The following CCDC192 variants were observed in gnomAD, a reference collection of about 807,000 sequenced individuals.
The protein encoded by CCDC192 is coiled-coil domain-containing protein 192.
intron 2 of CCDC192, among the ~76,000 whole-genome samples, chr5:127,719,532 T>A (rs1228886): frequency 1.7e-5 from 1 of 59,386 alleles, no homozygotes; most frequent in Admixed American, 2.5e-4. Context: ...TATACACACA[T>A]ACATATATAT....
At chr5:127,784,803 C>A in intron 3 of CCDC192, 2 of 480,354 alleles carry the variant, frequency 4.2e-6, no homozygotes, top group Non-Finnish European at 4.1e-6. Flanking sequence ...CTCATGATGG[C>A]CATCTGAATC....
intron 6 of CCDC192, among the ~76,000 whole-genome samples, chr5:127,886,077 G>A (rs1354375389): frequency 6.6e-6 from 1 of 152,172 alleles, no homozygotes; most frequent in Non-Finnish European, 1.5e-5. Context: ...TGGCAAGACT[G>A]AAAATGTTAC....
At chr5:127,791,844 A>C (rs1389032946) in intron 3 of CCDC192, among the ~76,000 whole-genome samples, 1 of 152,228 alleles carries the variant, frequency 6.6e-6, no homozygotes, top group African/African-American at 2.4e-5. Context: ...AAGAAAAAGA[A>C]GACACTGACA....
At chr5:127,769,593 A>G (rs1326035387) in intron 3 of CCDC192, among the ~76,000 whole-genome samples, 1 of 152,178 alleles carries the variant, frequency 6.6e-6, no homozygotes, top group African/African-American at 2.4e-5. Context: ...CAATATGTAG[A>G]TTTGAAGAAG....
Position 127,789,101 on chromosome 5 carries a change from T to C in CCDC192, c.223-8002T>C, listed in dbSNP as rs553345877. On this transcript the variant is annotated intron_variant, in intron 3 of 6. Coordinates refer to ENST00000514853, the MANE Select transcript of CCDC192 (RefSeq NM_001317938.2). ...TGAGACTCCAGAATTGTAAGAAATATTTTTTCTTTAAGTCACCAAGCCTGT... is the reference window on the plus strand; with the variant it reads ...TGAGACTCCAGAATTGTAAGAAATACTTTTTCTTTAAGTCACCAAGCCTGT... 3.3e-5 allele frequency among the ~76,000 whole-genome samples: 5 copies of C among 152,336 alleles called. No homozygotes were observed. In the East Asian group the frequency reaches 9.6e-4, roughly 29 times the overall value.
chr5:127,772,042 G>A (rs1755585403), intron 3 of CCDC192, among the ~76,000 whole-genome samples: 1 of 152,162 alleles, frequency 6.6e-6, no homozygotes, highest in Non-Finnish European at 1.5e-5. Context: ...CACTGCACAG[G>A]CCAGTTGAAG....
At chr5:127,747,158 A>C (rs1463732633) in intron 2 of CCDC192, among the ~76,000 whole-genome samples, 1 of 150,882 alleles carries the variant, frequency 6.6e-6, no homozygotes, top group Non-Finnish European at 1.5e-5. Context: ...CACATTGTGC[A>C]GGTTAGTTAC....
intron 5 of CCDC192, among the ~76,000 whole-genome samples, chr5:127,860,422 T>A (rs1447128610): frequency 6.6e-6 from 1 of 152,098 alleles, no homozygotes; most frequent in Admixed American, 6.6e-5. Flanking sequence ...AGCTAAAAAG[T>A]TTTTTAGTAG....
intron 5 of CCDC192, among the ~76,000 whole-genome samples, chr5:127,832,133 G>C (rs935796068): frequency 6.6e-6 from 1 of 152,142 alleles, no homozygotes; most frequent in African/African-American, 2.4e-5. Flanking sequence ...TGAATAGCTA[G>C]TAAATACATG....
intron 2 of CCDC192, among the ~76,000 whole-genome samples, chr5:127,732,152 A>AG: frequency 8.7e-6 from 1 of 115,236 alleles, no homozygotes. Flanking sequence ...GAAATGTACA[A>AG]GAAAAAAAAA....
At chr5:127,901,599 G>A (rs960789094) in intron 6 of CCDC192, among the ~76,000 whole-genome samples, 3 of 152,078 alleles carry the variant, frequency 2.0e-5, no homozygotes, top group African/African-American at 7.2e-5. Flanking sequence ...AGAGAAGATG[G>A]TTATTTTTGT....
At chr5:127,786,276 A>G (rs1756530319) in intron 3 of CCDC192, 2 of 647,258 alleles carry the variant, frequency 3.1e-6, no homozygotes, top group Middle Eastern at 2.6e-4. Flanking sequence ...TCATATATTC[A>G]GTAACTGGGT....
chr5:127,919,804 T>TCTCTGTGTCCCTCTGTCC (rs1443365415), intron 6 of CCDC192, among the ~76,000 whole-genome samples: 1 of 152,160 alleles, frequency 6.6e-6, no homozygotes, highest in Non-Finnish European at 1.5e-5. Context: ...TCTCCATCTC[T>TCTCTGTGTCCCTCTGTCC]CTCTGTGTCC....
At chr5:127,746,815 T>A (rs1392001430) in intron 2 of CCDC192, among the ~76,000 whole-genome samples, 2 of 152,048 alleles carry the variant, frequency 1.3e-5, no homozygotes, top group Non-Finnish European at 2.9e-5. Flanking sequence ...GTAGCAATAT[T>A]TTTTTGCCCC....
At chr5:127,702,494 A>G (rs1750748385), upstream of CCDC192, among the ~76,000 whole-genome samples, 1 of 152,216 alleles carries the variant, frequency 6.6e-6, no homozygotes, top group African/African-American at 2.4e-5. Context: ...TTGAAGAAGT[A>G]AATGCTAATT....
At chr5:127,909,347 G>C (rs763113682) in intron 6 of CCDC192, among the ~76,000 whole-genome samples, 1 of 152,032 alleles carries the variant, frequency 6.6e-6, no homozygotes, top group Non-Finnish European at 1.5e-5. Context: ...AAATGGGCAA[G>C]TTTAAGTTCA....
chr5:127,797,618 A>G (rs1757229646), intron 4 of CCDC192, among the ~76,000 whole-genome samples: 1 of 151,160 alleles, frequency 6.6e-6, no homozygotes, highest in Non-Finnish European at 1.5e-5. Flanking sequence ...TTTATAAGAA[A>G]TGATTAATCT....
At chr5:127,800,375 T>TAAAAAAAAAAAAAAAAA (rs1757418010) in intron 5 of CCDC192, among the ~76,000 whole-genome samples, 1 of 17,662 alleles carries the variant, frequency 5.7e-5, no homozygotes, top group Non-Finnish European at 8.9e-5. Flanking sequence ...AGAGGTATTC[T>TAAAAAAAAAAAAAAAAA]GAAAAAAAAA....
At chr5:127,824,364 A>G (rs1018174706) in intron 5 of CCDC192, among the ~76,000 whole-genome samples, 1 of 152,232 alleles carries the variant, frequency 6.6e-6, no homozygotes, top group East Asian at 1.9e-4. Context: ...TAAGCGTGCC[A>G]GCTGGAAGCA....
Sources: gnomAD v4.1 joint callset for allele counts (sites outside exome capture counted in the v4.1 genomes callset) on GRCh38, gnomAD v4.1.1 for gene constraint, MANE v1.5 for transcripts, NCBI Gene and HGNC (gene_info 2026-07-23, HGNC 2026-07-21) for gene names.